Variants in SYT12 observed in about 807,000 individuals in gnomAD.
SYT12 encodes the protein synaptotagmin-12.
A neutral mutation model predicts 39.5 loss-of-function variants in SYT12; 27 were observed. The ratio of observed to expected loss-of-function variants is 0.68; its 90% CI spans 0.50 to 0.94. SYT12 has a LOEUF of 0.94. Ranked by LOEUF, SYT12 falls within the 40% of genes least tolerant of loss-of-function variation. The pLI, the probability that SYT12 is intolerant of heterozygous loss-of-function variation, is 0.00. For synonymous variants in SYT12, 233 were observed against 239.7 expected, an observed-to-expected ratio of 0.97 and a Z score of 0.26; for missense variants, 536 against 572.6, an observed-to-expected ratio of 0.94 and a Z score of 0.65.
chr11:67,040,576 A>G (rs1010524745), intron 4 of SYT12, among the ~76,000 whole-genome samples: 1 of 152,212 alleles, frequency 6.6e-6, no homozygotes, highest in Non-Finnish European at 1.5e-5. Flanking sequence ...GTGGTGGCTC[A>G]TGCCTCTAAT....
At chr11:67,034,476 C>T (rs1204077617) in intron 2 of SYT12, among the ~76,000 whole-genome samples, 169 bp from the exon 3 acceptor site, 1 of 152,210 alleles carries the variant, frequency 6.6e-6, no homozygotes, top group Non-Finnish European at 1.5e-5. Flanking sequence ...CACTTCTGGT[C>T]CCAAGCAACA....
At position 67,049,654 on chromosome 11, in the gene SYT12, G is replaced by A. The variant is rs1854689350; in HGVS notation, c.*897G>A. On this transcript the variant is annotated 3_prime_UTR_variant, in exon 8 of 8. Coordinates refer to ENST00000527043, the MANE Select transcript of SYT12 (RefSeq NM_177963.4). ...CAGGTCTCAGCCTGGGGGTGGCAGG[G>A]GTGGGGCAGAGAGAATACTGACAGC... The A allele has an allele frequency of 6.6e-6, 1 of 152,478 alleles. No homozygotes were observed. The highest frequency in any genetic ancestry group is 6.5e-5 in the Admixed American group (1 of 15,286). The allele number at this position is 152,478 out of a possible 1,614,324, so 9.4% of individuals were successfully genotyped here.
intron 3 of SYT12, among the ~76,000 whole-genome samples, chr11:67,038,227 C>T (rs977657214): frequency 3.3e-5 from 5 of 151,914 alleles, no homozygotes; most frequent in African/African-American, 9.7e-5. Context: ...AGTGCAGCGG[C>T]GCAATCTCAG....
chr11:67,033,135 C>T (rs1161053691), intron 2 of SYT12, among the ~76,000 whole-genome samples: 1 of 151,982 alleles, frequency 6.6e-6, no homozygotes, highest in African/African-American at 2.4e-5. Context: ...CCTCTAGCCC[C>T]GGGTCCCCTC....
At position 67,014,839 on chromosome 11, in the gene SYT12, G is replaced by A. The variant is rs900126748; in HGVS notation, c.-69+3845G>A. Among the ~76,000 whole-genome samples, 8 of 152,182 alleles carry A rather than the reference G, an allele frequency of 5.3e-5. No individual in the cohort carries two copies. The East Asian group carries it at 5.8e-4, about 11-fold the overall frequency. ...GCCCTCCAGGGCAGCAGGGATCCTCGTGGCCTCCTTACTACCACTCTCGAC... is the reference window on the plus strand; with the variant it reads ...GCCCTCCAGGGCAGCAGGGATCCTCATGGCCTCCTTACTACCACTCTCGAC... On this transcript the variant is annotated intron_variant, in intron 3 of 10. Transcript: ENST00000393946.
At chr11:67,029,860 A>G in intron 1 of SYT12, 1 of 422,274 alleles carries the variant, frequency 2.4e-6, no homozygotes, top group Non-Finnish European at 4.2e-6. Context: ...TGAAAAAACA[A>G]AACAAAACAA....
intron 6 of SYT12, 98 bp downstream of exon 6, chr11:67,044,811 G>A (rs2136232131): frequency 3.9e-6 from 6 of 1,545,760 alleles, no homozygotes; most frequent in East Asian, 2.3e-5. Flanking sequence ...GGCAGGTGTG[G>A]GACACAGTGC....
rs369774574 is a variant in SYT12 at position 67,049,509 on chromosome 11, C to G, written c.*752C>G. 1.4e-4 allele frequency: 21 copies of G among 152,414 alleles called. No homozygotes were observed. Among genetic ancestry groups the G allele is most frequent in the African/African-American group, 5.1e-4 (21 of 41,576 alleles). 9.4% of individuals were successfully genotyped at this position (152,414 alleles called of 1,614,324 possible). On this transcript the variant is annotated 3_prime_UTR_variant, in exon 8 of 8. Transcript: ENST00000527043. Reference sequence around the variant, plus strand: ...CCCCGGACCTCAACCATGGCAAGAACCAGAGGTCCAAAGAGGCCCAGACCC... The same window carrying G: ...CCCCGGACCTCAACCATGGCAAGAAGCAGAGGTCCAAAGAGGCCCAGACCC...
intron 5 of SYT12, 90 bp downstream of exon 5, chr11:67,043,943 C>T: frequency 1.7e-6 from 2 of 1,202,276 alleles, no homozygotes; most frequent in Non-Finnish European, 2.4e-6. Context: ...TCATCCTCTG[C>T]AATAGCCTGA....
chr11:67,045,561 G>A lies in SYT12; in HGVS notation c.959-183G>A, dbSNP rs1032764600. On this transcript the variant is annotated intron_variant, in intron 6 of 7. Transcript: ENST00000527043. ...AAGCCCAGCCCTCACCTGACGTGCT[G>A]TGTGAGCCTCAGTTTTCTCATCTGT... 4.2e-5 allele frequency: 36 copies of A among 852,052 alleles called. No homozygotes were observed. In the African/African-American group the frequency reaches 4.8e-4, roughly 11 times the overall value. The allele number at this position is 852,052 out of a possible 1,614,324, so 52.8% of individuals were successfully genotyped here.
intron 1 of SYT12, among the ~76,000 whole-genome samples, chr11:67,025,991 T>C (rs1392679143): frequency 3.9e-5 from 6 of 151,966 alleles, no homozygotes; most frequent in African/African-American, 1.5e-4. Flanking sequence ...CTCCCACAGC[T>C]TTGCTGGGCG....
chr11:67,035,722 A>G (rs186108119), intron 3 of SYT12, among the ~76,000 whole-genome samples: 1,574 of 150,668 alleles, frequency 0.01, 12 homozygotes, highest in South Asian at 0.055. Context: ...CTCCCAAAGT[A>G]CTGGGATTAC....
At chr11:67,038,989 AAAATAAATAAAT>A (rs375878477) in intron 3 of SYT12, among the ~76,000 whole-genome samples, 13 of 149,776 alleles carry the variant, frequency 8.7e-5, no homozygotes, top group South Asian at 4.2e-4. Flanking sequence ...TCTGTCTCAA[AAAATAAATAAAT>A]AAATAAATAA....
chr11:67,046,969 AT>A (rs988494593), intron 7 of SYT12, among the ~76,000 whole-genome samples: 88 of 145,836 alleles, frequency 6.0e-4, no homozygotes, highest in African/African-American at 6.8e-4. Context: ...ATAGAAACCA[AT>A]TTTTTTTTTT....
chr11:67,048,586 C>A lies in SYT12; in HGVS notation c.1095C>A (p.Asp365Glu). 6.3e-7 allele frequency: 1 copy of A among 1,596,568 alleles called. No homozygotes were observed. Residue 365 changes from aspartate to glutamate, a missense_variant and splice_region_variant, in exon 8 of 8, where the codon GAC becomes GAA. Asp to Glu is a conservative substitution (Grantham distance 45). Coordinates refer to ENST00000527043, the MANE Select transcript of SYT12 (RefSeq NM_177963.4). ...CACCCATGTTGCCTCTTCCTCAGGA[C>A]CTGTCTCTCCGCGTGACGGTGGCTG... ...IFSVPAIVLQ[D>E]LSLRVTVAES...
chr11:67,014,034 T>C (rs1950034488), intron 3 of SYT12, among the ~76,000 whole-genome samples: 1 of 152,230 alleles, frequency 6.6e-6, no homozygotes, highest in African/African-American at 2.4e-5. Context: ...TTCTTCTCTC[T>C]GTGCCTTCAT....
Position 67,045,764 on chromosome 11 carries a change from C to T in SYT12, c.979C>T (p.Leu327=). Residue 327 remains leucine, a synonymous_variant, in exon 7 of 8, where the codon CTG becomes TTG. Coordinates refer to ENST00000527043, the MANE Select transcript of SYT12 (RefSeq NM_177963.4). ...TTADPFVKVY[L]LQDGRKMSKK... Reference sequence around the variant, plus strand: ...CACAGACCCCTTCGTCAAGGTGTACCTGCTGCAGGATGGGAGGAAGATGAG... The same window carrying T: ...CACAGACCCCTTCGTCAAGGTGTACTTGCTGCAGGATGGGAGGAAGATGAG... 1.2e-6 allele frequency: 2 copies of T among 1,613,972 alleles called. No individual in the cohort carries two copies. The highest frequency in any genetic ancestry group is 1.7e-6 in the Non-Finnish European group (2 of 1,179,994).
At chr11:67,041,866 CAGAG>C (rs1950518090) in intron 4 of SYT12, among the ~76,000 whole-genome samples, 2 of 152,288 alleles carry the variant, frequency 1.3e-5, no homozygotes, top group Admixed American at 6.5e-5. Context: ...AGGGCCAGAG[CAGAG>C]GGGGGAAGGG....
chr11:67,038,404 A>G (rs1037255093), intron 3 of SYT12, among the ~76,000 whole-genome samples: 3 of 151,532 alleles, frequency 2.0e-5, no homozygotes, highest in African/African-American at 7.3e-5. Flanking sequence ...ACCTCAGGCG[A>G]TCCGCCACCT....
Sources: allele counts gnomAD v4.1 joint callset (sites outside exome capture counted in the v4.1 genomes callset), GRCh38; gene constraint gnomAD v4.1.1; transcripts MANE v1.5; gene names NCBI Gene and HGNC (gene_info 2026-07-23, HGNC 2026-07-21).